Variants in PGCKA1 observed in about 807,000 individuals in gnomAD.
The protein encoded by PGCKA1 is PDCD10 and GCKIII kinases-associated protein 1.
chr4:37,510,809 C>T, the PGCKA1 span, among the ~76,000 whole-genome samples: 1 of 152,016 alleles, frequency 6.6e-6, no homozygotes, highest in Admixed American at 6.5e-5. Flanking sequence ...TTCCCCTAGG[C>T]ACAATGTGGG....
At chr4:37,511,463 C>G in the PGCKA1 span, among the ~76,000 whole-genome samples, 102 of 152,098 alleles carry the variant, frequency 6.7e-4, no homozygotes, top group Non-Finnish European at 1.3e-3. Flanking sequence ...TAGTAGGTTC[C>G]TTTCTGGCCC....
At chr4:37,527,803 C>A in the PGCKA1 span, among the ~76,000 whole-genome samples, 2 of 150,220 alleles carry the variant, frequency 1.3e-5, no homozygotes, top group African/African-American at 5.0e-5. Flanking sequence ...GCGCTCCAGC[C>A]TGGCGACAGA....
chr4:37,476,257 A>G, the PGCKA1 span, among the ~76,000 whole-genome samples: 1 of 152,144 alleles, frequency 6.6e-6, no homozygotes, highest in African/African-American at 2.4e-5. Context: ...CATTTTCCAA[A>G]TGGAAGGATA....
the PGCKA1 span, among the ~76,000 whole-genome samples, chr4:37,503,182 A>C: frequency 1.3e-5 from 2 of 152,240 alleles, no homozygotes. Flanking sequence ...AGGATTCCAG[A>C]GGCCCATTGT....
the PGCKA1 span, among the ~76,000 whole-genome samples, chr4:37,470,485 G>A: frequency 6.6e-6 from 1 of 152,168 alleles, no homozygotes; most frequent in East Asian, 1.9e-4. Flanking sequence ...TCATGCATGT[G>A]TTTGCAAATT....
chr4:37,481,656 G>A, the PGCKA1 span, among the ~76,000 whole-genome samples: 3 of 151,996 alleles, frequency 2.0e-5, no homozygotes, highest in African/African-American at 2.4e-5. Context: ...AAAGACATCA[G>A]GTTGGTTTAA....
the PGCKA1 span, chr4:37,590,877 G>A: frequency 6.2e-7 from 1 of 1,614,236 alleles, no homozygotes; most frequent in Non-Finnish European, 8.5e-7. Flanking sequence ...ACAGGCAGGA[G>A]GATACCCATG....
chr4:37,517,551 C>T, the PGCKA1 span, among the ~76,000 whole-genome samples: 8 of 151,916 alleles, frequency 5.3e-5, no homozygotes, highest in Non-Finnish European at 8.8e-5. Flanking sequence ...GCCTGGGGTG[C>T]CTAATGGGTT....
At chr4:37,539,813 A>G in the PGCKA1 span, among the ~76,000 whole-genome samples, 1 of 152,202 alleles carries the variant, frequency 6.6e-6, no homozygotes, top group Non-Finnish European at 1.5e-5. Flanking sequence ...TATTATGAAC[A>G]TTGTGTATTT....
the PGCKA1 span, among the ~76,000 whole-genome samples, chr4:37,550,340 A>C: frequency 6.6e-6 from 1 of 151,220 alleles, no homozygotes; most frequent in Admixed American, 6.6e-5. Context: ...GCAGTTCTCT[A>C]GACTGGAAAA....
At chr4:37,460,648 G>T in the PGCKA1 span, 1 of 438,734 alleles carries the variant, frequency 2.3e-6, no homozygotes, top group Non-Finnish European at 4.5e-6. Flanking sequence ...AGAAGTGTCT[G>T]TTCATGTCCT....
chr4:37,554,269 T>A, the PGCKA1 span, among the ~76,000 whole-genome samples: 2 of 152,230 alleles, frequency 1.3e-5, no homozygotes, highest in Admixed American at 6.5e-5. Context: ...TTTTTCTTTA[T>A]AAATTACCCA....
chr4:37,590,080 T>C, the PGCKA1 span: 1 of 1,604,088 alleles, frequency 6.2e-7, no homozygotes, highest in African/African-American at 1.3e-5. Flanking sequence ...TCATTGTCTT[T>C]CCTGAAGCTA....
At chr4:37,550,961 C>G in the PGCKA1 span, among the ~76,000 whole-genome samples, 1 of 152,116 alleles carries the variant, frequency 6.6e-6, no homozygotes, top group Non-Finnish European at 1.5e-5. Flanking sequence ...AAAATTCACT[C>G]ATTCTGCAGG....
At chr4:37,474,448 C>T in the PGCKA1 span, among the ~76,000 whole-genome samples, 1 of 152,186 alleles carries the variant, frequency 6.6e-6, no homozygotes, top group Non-Finnish European at 1.5e-5. Flanking sequence ...CGTTGCCTCT[C>T]TTTGACCCCC....
the PGCKA1 span, among the ~76,000 whole-genome samples, chr4:37,479,416 C>A: frequency 6.6e-6 from 1 of 151,942 alleles, no homozygotes; most frequent in Admixed American, 6.6e-5. Flanking sequence ...ATAGGCCCTC[C>A]CCAAACTTTC....
At chr4:37,485,331 A>G in the PGCKA1 span, among the ~76,000 whole-genome samples, 1 of 152,208 alleles carries the variant, frequency 6.6e-6, no homozygotes, top group African/African-American at 2.4e-5. Flanking sequence ...TCATTAGGTC[A>G]TGAAAGCTCT....
At chr4:37,539,649 G>A in the PGCKA1 span, among the ~76,000 whole-genome samples, 7 of 152,110 alleles carry the variant, frequency 4.6e-5, no homozygotes, top group Admixed American at 3.9e-4. Context: ...GCAAGACTCC[G>A]TCTCAAAATA....
the PGCKA1 span, among the ~76,000 whole-genome samples, chr4:37,529,659 G>C: frequency 1.3e-5 from 2 of 152,170 alleles, no homozygotes; most frequent in Non-Finnish European, 2.9e-5. Flanking sequence ...ACTCTATTCC[G>C]GAGGGGAAAA....
Sources: gnomAD v4.1 joint callset for allele counts (sites outside exome capture counted in the v4.1 genomes callset) on GRCh38, gnomAD v4.1.1 for gene constraint, MANE v1.5 for transcripts, NCBI Gene and HGNC (gene_info 2026-07-23, HGNC 2026-07-21) for gene names.